The following TTC27 variants were observed in gnomAD, a reference collection of about 807,000 sequenced individuals.
TTC27 encodes the protein tetratricopeptide repeat protein 27.
A neutral mutation model predicts 115.9 loss-of-function variants in TTC27; 79 were observed. The ratio of observed to expected loss-of-function variants is 0.68; its 90% CI spans 0.57 to 0.82. TTC27 has a LOEUF of 0.82. TTC27 is among the 40% of genes least tolerant of loss of function. The pLI is 0.00. For missense variants in TTC27, 1,054 were observed against 993.1 expected, an observed-to-expected ratio of 1.06 and a Z score of -0.82; for synonymous variants, 401 against 356.0, an observed-to-expected ratio of 1.13 and a Z score of -1.42.
intron 5 of TTC27, among the ~76,000 whole-genome samples, chr2:32,660,961 G>A (rs893789657): frequency 6.6e-6 from 1 of 152,096 alleles, no homozygotes; most frequent in Non-Finnish European, 1.5e-5. Flanking sequence ...TGTAAGGAAG[G>A]GGTCCAGTTT....
At chr2:32,755,937 G>C (rs1457033652) in intron 12 of TTC27, among the ~76,000 whole-genome samples, 2 of 152,122 alleles carry the variant, frequency 1.3e-5, no homozygotes, top group African/African-American at 4.8e-5. Flanking sequence ...AACTGTCTTA[G>C]TTCTGTTACT....
intron 16 of TTC27, among the ~76,000 whole-genome samples, chr2:32,803,750 C>A (rs1671038696): frequency 6.6e-6 from 1 of 152,114 alleles, no homozygotes; most frequent in Non-Finnish European, 1.5e-5. Flanking sequence ...TGGCTCATGC[C>A]TGTAATCCCA....
At chr2:32,710,730 G>T (rs1388594791) in intron 10 of TTC27, among the ~76,000 whole-genome samples, 3 of 151,858 alleles carry the variant, frequency 2.0e-5, no homozygotes, top group Non-Finnish European at 4.4e-5. Context: ...CGCCCAGCCT[G>T]TATATACCTT....
At chr2:32,659,769 G>T (rs1572485815) in intron 5 of TTC27, among the ~76,000 whole-genome samples, 1 of 152,040 alleles carries the variant, frequency 6.6e-6, no homozygotes, top group Admixed American at 6.6e-5. Context: ...TGCAGTGTTT[G>T]GTTTTCTGTT....
chr2:32,640,884 A>G (rs1020474237), intron 4 of TTC27, among the ~76,000 whole-genome samples: 17 of 152,216 alleles, frequency 1.1e-4, no homozygotes, highest in Non-Finnish European at 1.6e-4. Context: ...TGGGAGGCTG[A>G]GGCAGGAGAA....
intron 13 of TTC27, among the ~76,000 whole-genome samples, chr2:32,760,043 T>C (rs1157768438): frequency 6.6e-6 from 1 of 152,226 alleles, no homozygotes; most frequent in African/African-American, 2.4e-5. Context: ...TGAGTAGTGC[T>C]GCTGTGAACA....
intron 18 of TTC27, 80 bp from the exon 19 acceptor site, chr2:32,817,377 A>G (rs1671538311): frequency 9.5e-6 from 11 of 1,154,178 alleles, no homozygotes; most frequent in Non-Finnish European, 1.4e-5. Context: ...TAAAAATTCT[A>G]ATTAAATAAT....
At chr2:32,711,116 CAAAAA>C (rs34140897) in intron 10 of TTC27, among the ~76,000 whole-genome samples, 66 of 59,932 alleles carry the variant, frequency 1.1e-3, no homozygotes, top group African/African-American at 3.6e-3. Flanking sequence ...GACTCTGTCT[CAAAAA>C]AAAAAAAAAA....
intron 9 of TTC27, among the ~76,000 whole-genome samples, chr2:32,683,077 G>T (rs1055939716): frequency 3.3e-5 from 5 of 151,568 alleles, no homozygotes; most frequent in African/African-American, 1.2e-4. Context: ...GGATGGTCTC[G>T]ATCTCCTGAC....
At chr2:32,752,217 A>G (rs1669044110) in intron 12 of TTC27, among the ~76,000 whole-genome samples, 1 of 152,212 alleles carries the variant, frequency 6.6e-6, no homozygotes, top group African/African-American at 2.4e-5. Flanking sequence ...AACATCTACC[A>G]TAGCACTTTT....
At chr2:32,670,034 C>T (rs898890722) in intron 7 of TTC27, among the ~76,000 whole-genome samples, 4 of 151,776 alleles carry the variant, frequency 2.6e-5, no homozygotes, top group Non-Finnish European at 4.4e-5. Context: ...CATGCCACCA[C>T]GCCCGGATAG....
chr2:32,752,706 T>G (rs1488359434), intron 12 of TTC27, among the ~76,000 whole-genome samples: 1 of 152,208 alleles, frequency 6.6e-6, no homozygotes, highest in African/African-American at 2.4e-5. Flanking sequence ...CATTATGGTG[T>G]CTTTAAGCAA....
chr2:32,702,124 T>C (rs1344199339), intron 9 of TTC27, among the ~76,000 whole-genome samples: 2 of 152,218 alleles, frequency 1.3e-5, no homozygotes, highest in Non-Finnish European at 2.9e-5. Flanking sequence ...GTACTTCTAA[T>C]GAGTAGCTAG....
chr2:32,730,226 G>A (rs1284334489), intron 10 of TTC27, among the ~76,000 whole-genome samples: 1 of 152,098 alleles, frequency 6.6e-6, no homozygotes, highest in African/African-American at 2.4e-5. Context: ...CTTCTGAAAT[G>A]CTTGAAGTAA....
intron 10 of TTC27, among the ~76,000 whole-genome samples, chr2:32,720,116 T>A (rs1463419188): frequency 6.6e-6 from 1 of 152,186 alleles, no homozygotes; most frequent in Non-Finnish European, 1.5e-5. Context: ...CCTCTCCCCA[T>A]TCTTATTGGC....
chr2:32,815,636 C>T (rs1287924403), intron 18 of TTC27, among the ~76,000 whole-genome samples: 1 of 152,002 alleles, frequency 6.6e-6, no homozygotes. Context: ...TGTCTTTTTG[C>T]TTTACTTTTG....
chr2:32,789,055 G>A (rs1670442828), intron 16 of TTC27, among the ~76,000 whole-genome samples: 1 of 152,126 alleles, frequency 6.6e-6, no homozygotes, highest in Admixed American at 6.5e-5. Flanking sequence ...TCTAACTCTG[G>A]ATGGATGGAT....
chr2:32,801,154 C>CA (rs775504660), intron 16 of TTC27, among the ~76,000 whole-genome samples: 2 of 152,258 alleles, frequency 1.3e-5, no homozygotes, highest in East Asian at 3.9e-4. Flanking sequence ...GAGTTTTTCT[C>CA]AGTGTTTTAA....
At chr2:32,790,731 C>G (rs1242375622) in intron 16 of TTC27, among the ~76,000 whole-genome samples, 1 of 152,116 alleles carries the variant, frequency 6.6e-6, no homozygotes, top group African/African-American at 2.4e-5. Flanking sequence ...CACCTCCACC[C>G]CACCCTGACG....
Sources: gnomAD v4.1 joint callset for allele counts (sites outside exome capture counted in the v4.1 genomes callset) on GRCh38, gnomAD v4.1.1 for gene constraint, MANE v1.5 for transcripts, NCBI Gene and HGNC (gene_info 2026-07-23, HGNC 2026-07-21) for gene names.